Variants in NAV3 observed in about 807,000 individuals in gnomAD.
NAV3 encodes the protein neuron navigator 3, also known as pore membrane and/or filament interacting like protein 1.
A neutral mutation model predicts 244.7 loss-of-function variants in NAV3; 87 were observed. The ratio of observed to expected loss-of-function variants is 0.36; its 90% CI spans 0.30 to 0.42. The LOEUF (loss-of-function observed/expected upper bound fraction) is 0.42. Among genes scored for constraint, NAV3 ranks in the 20% least tolerant of loss-of-function variants. The pLI is 1.00. For missense variants in NAV3, 2,663 were observed against 2,893.3 expected (o/e 0.92, Z 1.83); for synonymous variants, 1,126 against 1,042.2 (o/e 1.08, Z -1.55).
intron 2 of NAV3, among the ~76,000 whole-genome samples, chr12:77,723,755 CTTTT>C (rs34518266): frequency 8.9e-5 from 6 of 67,652 alleles, no homozygotes; most frequent in African/African-American, 3.0e-4. Flanking sequence ...GCAATCTTGA[CTTTT>C]TTTTTTTTTT....
At chr12:77,635,990 C>G (rs1437072636) in intron 2 of NAV3, among the ~76,000 whole-genome samples, 2 of 152,058 alleles carry the variant, frequency 1.3e-5, no homozygotes, top group Non-Finnish European at 2.9e-5. Flanking sequence ...AACATTCAAC[C>G]AGTTTATAAG....
At chr12:78,155,044 G>T (rs556884166) in intron 22 of NAV3, among the ~76,000 whole-genome samples, 1 of 151,856 alleles carries the variant, frequency 6.6e-6, no homozygotes, top group Non-Finnish European at 1.5e-5. Context: ...AAGTTCTGGC[G>T]TACATGGGCA....
intron 1 of NAV3, among the ~76,000 whole-genome samples, chr12:77,931,790 C>G (rs571030957): frequency 6.6e-6 from 1 of 152,174 alleles, no homozygotes; most frequent in South Asian, 2.1e-4. Context: ...TGGCGTGAAC[C>G]CGGGAGGAGG....
At chr12:78,028,701 G>A (rs1291967498) in intron 9 of NAV3, among the ~76,000 whole-genome samples, 1 of 152,182 alleles carries the variant, frequency 6.6e-6, no homozygotes, top group African/African-American at 2.4e-5. Context: ...CATATTTTCT[G>A]TTGGTTTTGC....
At chr12:77,998,556 C>A in intron 7 of NAV3, 80 bp downstream of exon 7, 4 of 1,432,932 alleles carry the variant, frequency 2.8e-6, no homozygotes, top group Non-Finnish European at 3.7e-6. Flanking sequence ...ATTTGAGCAG[C>A]GTAACAACTT....
intron 1 of NAV3, among the ~76,000 whole-genome samples, chr12:77,873,876 G>A (rs557265153): frequency 6.7e-6 from 1 of 150,052 alleles, no homozygotes; most frequent in South Asian, 2.1e-4. Flanking sequence ...TAGCCCAGGG[G>A]TCCCCAACCC....
chr12:78,076,482 A>C (rs1264598483), intron 12 of NAV3, among the ~76,000 whole-genome samples: 1 of 152,166 alleles, frequency 6.6e-6, no homozygotes, highest in African/African-American at 2.4e-5. Context: ...AATCGAATGC[A>C]GTTCTTATCA....
chr12:77,636,694 C>T (rs1872172497), intron 2 of NAV3, among the ~76,000 whole-genome samples: 1 of 152,020 alleles, frequency 6.6e-6, no homozygotes, highest in Admixed American at 6.6e-5. Context: ...GACACATGGA[C>T]ACATATGTTT....
At chr12:78,042,163 A>G (rs1226986320) in intron 9 of NAV3, among the ~76,000 whole-genome samples, 1 of 152,126 alleles carries the variant, frequency 6.6e-6, no homozygotes, top group African/African-American at 2.4e-5. Context: ...CTCTCTTTTC[A>G]TGTTCTTTCT....
intron 1 of NAV3, among the ~76,000 whole-genome samples, chr12:77,934,415 A>G (rs960243099): frequency 1.3e-5 from 2 of 149,302 alleles, no homozygotes; most frequent in African/African-American, 4.9e-5. Flanking sequence ...ATAAAAAAAA[A>G]GTATGCTTTC....
intron 1 of NAV3, among the ~76,000 whole-genome samples, chr12:77,884,368 T>G (rs1883032519): frequency 1.3e-5 from 2 of 152,056 alleles, no homozygotes; most frequent in African/African-American, 4.8e-5. Flanking sequence ...CACAGTAGGA[T>G]GTCTACAAGC....
intron 9 of NAV3, among the ~76,000 whole-genome samples, chr12:78,032,072 T>C (rs1879092883): frequency 6.6e-6 from 1 of 152,064 alleles, no homozygotes; most frequent in Admixed American, 6.6e-5. Flanking sequence ...ACTGAGCCCC[T>C]GAAAAATCCA....
At chr12:77,724,109 G>A (rs539519326) in intron 2 of NAV3, among the ~76,000 whole-genome samples, 1 of 151,842 alleles carries the variant, frequency 6.6e-6, no homozygotes, top group South Asian at 2.1e-4. Flanking sequence ...TATTCTAGAT[G>A]CACATGTAAA....
chr12:77,797,524 GTTTTTTTT>G lies in NAV3; in HGVS notation c.73-142777_73-142770del, dbSNP rs33912743. Reference sequence around the variant, plus strand: ...GTCTTAAACGTAGAATCTTTAAAAAGTTTTTTTTTTTTTTTTTTTTTTTTTAAAGTAGC... The same window carrying G: ...GTCTTAAACGTAGAATCTTTAAAAAGTTTTTTTTTTTTTTTTTAAAGTAGC... On this transcript the variant is annotated intron_variant, in intron 2 of 8. Coordinates refer to the NAV3 transcript ENST00000550042. Among the ~76,000 whole-genome samples the G allele has an allele frequency of 1.7e-4, 17 of 100,546 alleles. No homozygotes were observed. The East Asian group carries it at 3.7e-3, about 22-fold the overall frequency. The allele number at this position is 100,546 out of a possible 152,430, so 66.0% of individuals were successfully genotyped here.
chr12:78,103,151 G>T (rs545454576), intron 12 of NAV3, among the ~76,000 whole-genome samples: 1 of 152,216 alleles, frequency 6.6e-6, no homozygotes, highest in Admixed American at 6.5e-5. Flanking sequence ...AAAATGCGAT[G>T]CTCTAACAAC....
At chr12:78,133,343 A>C (rs1956242225) in intron 18 of NAV3, among the ~76,000 whole-genome samples, 1 of 151,808 alleles carries the variant, frequency 6.6e-6, no homozygotes, top group Admixed American at 6.6e-5. Flanking sequence ...GGGCAAGAAA[A>C]TGAGTACTCT....
chr12:77,986,310 C>T (rs1055461392), intron 5 of NAV3, among the ~76,000 whole-genome samples: 3 of 152,106 alleles, frequency 2.0e-5, no homozygotes, highest in Admixed American at 6.5e-5. Flanking sequence ...TGCAGTGAGC[C>T]GAGATCGTGC....
At chr12:77,824,208 G>A (rs1004296514) in intron 2 of NAV3, among the ~76,000 whole-genome samples, 1 of 151,446 alleles carries the variant, frequency 6.6e-6, no homozygotes, top group Non-Finnish European at 1.5e-5. Flanking sequence ...CGAGTAGCTG[G>A]GACTGCAGGC....
intron 19 of NAV3, among the ~76,000 whole-genome samples, chr12:78,139,425 G>A (rs1956510908): frequency 6.6e-6 from 1 of 151,992 alleles, no homozygotes; most frequent in Non-Finnish European, 1.5e-5. Flanking sequence ...TTGAGCTTTT[G>A]GGATTTTATC....
Sources: allele counts gnomAD v4.1 joint callset (sites outside exome capture counted in the v4.1 genomes callset), GRCh38; gene constraint gnomAD v4.1.1; transcripts MANE v1.5; gene names NCBI Gene and HGNC (gene_info 2026-07-23, HGNC 2026-07-21).